The following FAM107A variants were observed in gnomAD, a reference collection of about 807,000 sequenced individuals.
FAM107A encodes the protein family with sequence similarity 107 member A, also known as actin-associated protein FAM107A.
In FAM107A, 19 loss-of-function variants were observed where a neutral mutation model predicts 13.7. The observed-to-expected ratio is 1.38, with a 90% CI of 0.97 to 2.03. The LOEUF (loss-of-function observed/expected upper bound fraction) is 2.03. FAM107A is among the 30% of genes most tolerant of loss of function. The pLI, the probability that FAM107A is intolerant of heterozygous loss-of-function variation, is 0.00. For missense variants in FAM107A, 203 were observed against 184.4 expected, an observed-to-expected ratio of 1.10 and a Z score of -0.58; for synonymous variants, 82 against 74.5, an observed-to-expected ratio of 1.10 and a Z score of -0.52.
intron 1 of FAM107A, among the ~76,000 whole-genome samples, chr3:58,614,619 C>T (rs2065884812): frequency 6.6e-6 from 1 of 151,956 alleles, no homozygotes; most frequent in South Asian, 2.1e-4. Flanking sequence ...ATTCTCTTGC[C>T]TCAGCCTCCC....
chr3:58,605,261 C>G (rs1037172789), intron 1 of FAM107A, among the ~76,000 whole-genome samples: 11 of 152,198 alleles, frequency 7.2e-5, no homozygotes, highest in Admixed American at 5.2e-4. Flanking sequence ...ACTCTTAACC[C>G]TATAACAGCT....
At chr3:58,586,233 G>A (rs2108061597) in intron 1 of FAM107A, among the ~76,000 whole-genome samples, 1 of 143,536 alleles carries the variant, frequency 7.0e-6, no homozygotes, top group Admixed American at 6.8e-5. Context: ...GCCTACAGCC[G>A]CCTTCAGGCA....
At position 58,577,345 on chromosome 3, in the gene FAM107A, C is replaced by A; in HGVS notation, c.-42G>T. 1 of 985,380 alleles carries A rather than the reference C, an allele frequency of 1.0e-6. No homozygotes were observed. The highest frequency in any genetic ancestry group is 1.2e-6 in the Non-Finnish European group (1 of 829,924). The allele number at this position is 985,380 out of a possible 1,614,324, so 61.0% of individuals were successfully genotyped here. ...AGTCCTTGGGAAGGGAAGTCAGGAGCGTGTTGCTGGGTTCCTCACTCCACC... is the reference window on the plus strand; with the variant it reads ...AGTCCTTGGGAAGGGAAGTCAGGAGAGTGTTGCTGGGTTCCTCACTCCACC... On this transcript the variant is annotated 5_prime_UTR_variant, in exon 1 of 4. Coordinates refer to ENST00000360997, the MANE Select transcript of FAM107A (RefSeq NM_001076778.3). This position sits in a 1 kb window ranked among gnomAD's most constrained non-coding sequence, Gnocchi z 4.9.
intron 1 of FAM107A, among the ~76,000 whole-genome samples, chr3:58,620,531 C>T (rs78827010): frequency 0.075 from 11,457 of 152,308 alleles, 486 homozygotes; most frequent in African/African-American, 0.1. Flanking sequence ...TCCTTTGATT[C>T]CTTCTCCCTC....
intron 2 of FAM107A, among the ~76,000 whole-genome samples, chr3:58,568,433 T>G (rs1296854051): frequency 6.7e-6 from 1 of 150,344 alleles, no homozygotes; most frequent in Non-Finnish European, 1.5e-5. Flanking sequence ...AGACTTCATC[T>G]CAAACAAAAA....
rs533334321 is a variant in FAM107A at position 58,565,217 on chromosome 3, A to G, written c.*1371T>C. ...AGGTTAAAATATGTGGGTCTCACAC[A>G]GGAAAGGCCTTCTGAAGAAGAAAAA... On this transcript the variant is annotated 3_prime_UTR_variant, in exon 4 of 4. Transcript: ENST00000360997. The G allele has an allele frequency of 1.3e-5, 2 of 152,284 alleles. No homozygotes were observed. Among genetic ancestry groups the G allele is most frequent in the African/African-American group, 4.8e-5 (2 of 41,542 alleles). 9.4% of individuals were successfully genotyped at this position (152,284 alleles called of 1,614,324 possible). A position where few individuals can be genotyped will look rare whatever the true frequency, so the allele number is the denominator to read the frequency against.
At chr3:58,622,020 G>T (rs2065960700) in intron 1 of FAM107A, among the ~76,000 whole-genome samples, 1 of 152,220 alleles carries the variant, frequency 6.6e-6, no homozygotes, top group Non-Finnish European at 1.5e-5. Flanking sequence ...CTTGGGAATT[G>T]CACTGAGGCC....
chr3:58,567,458 A>G, intron 2 of FAM107A, 94 bp from the exon 3 acceptor site: 1 of 1,365,720 alleles, frequency 7.3e-7, no homozygotes, highest in Non-Finnish European at 9.9e-7. Context: ...AACCCCCATT[A>G]TTATCTTGTG....
At chr3:58,601,600 A>T (rs9810192) in intron 1 of FAM107A, among the ~76,000 whole-genome samples, 18,434 of 152,188 alleles carry the variant, frequency 0.12, 2,021 homozygotes, top group African/African-American at 0.29. Flanking sequence ...GTTTCAATGA[A>T]TATCCCACAT....
upstream of FAM107A, among the ~76,000 whole-genome samples, chr3:58,587,474 AGTGTGTGTGTGTGTGTGT>A (rs376881213): frequency 0.024 from 3,501 of 145,546 alleles, 137 homozygotes; most frequent in African/African-American, 0.08. Flanking sequence ...ATCAGCTTAG[AGTGTGTGTGTGTGTGTGT>A]GTGTGTGTGT....
intron 1 of FAM107A, among the ~76,000 whole-genome samples, chr3:58,599,067 G>A (rs910189161): frequency 3.3e-5 from 5 of 151,722 alleles, no homozygotes; most frequent in African/African-American, 1.2e-4. Flanking sequence ...TCAGCCTCCC[G>A]AGTAGCTGGG....
chr3:58,609,304 A>G (rs1479146525), intron 1 of FAM107A: 1 of 152,178 alleles, frequency 6.6e-6, no homozygotes, highest in African/African-American at 2.4e-5. Flanking sequence ...TTTGTTTTCT[A>G]CTGACTATAA....
rs1205606673 is a variant in FAM107A, at chr3:58,613,702, C to T, written c.-70+13714G>A. ...ATATTCCCCTCCCTAGGATTGGGTA[C>T]CCTAGGGCCATATCTCCCAGGGAGA... is the stretch of plus-strand genomic sequence containing the variant. On this transcript the variant is annotated intron_variant, in intron 1 of 3. Transcript: ENST00000465970. This position sits in a 1 kb window ranked among gnomAD's most constrained non-coding sequence, Gnocchi z 4.6. 1.3e-5 allele frequency among the ~76,000 whole-genome samples: 2 copies of T among 152,160 alleles called. No individual in the cohort carries two copies. The highest frequency in any genetic ancestry group is 3.9e-4 in the East Asian group (2 of 5,194).
In FAM107A at chr3:58,612,117, C is replaced by T. The variant is rs183174860; in HGVS notation, c.-70+15299G>A. ...TTTTGCATCCAACTTCATAGAAACC[C>T]ACCCATGATCCTAAAAGTAAAATCT... is the stretch of plus-strand genomic sequence containing the variant. On this transcript the variant is annotated intron_variant, in intron 1 of 3. Coordinates refer to the FAM107A transcript ENST00000465970. Among the ~76,000 whole-genome samples, 575 of 152,238 alleles carry T rather than the reference C, an allele frequency of 3.8e-3. 4 individuals carry two copies. The highest frequency in any genetic ancestry group is 0.013 in the African/African-American group (550 of 41,538).
intron 1 of FAM107A, among the ~76,000 whole-genome samples, chr3:58,600,907 C>G (rs533468666): frequency 2.0e-5 from 3 of 152,156 alleles, no homozygotes; most frequent in Non-Finnish European, 2.9e-5. Context: ...GGTCTCCCTT[C>G]GGGCACCAGA....
intron 1 of FAM107A, among the ~76,000 whole-genome samples, chr3:58,606,345 C>T (rs2065794786): frequency 1.3e-5 from 2 of 152,248 alleles, no homozygotes; most frequent in African/African-American, 4.8e-5. Flanking sequence ...ATCCACCTGC[C>T]TTGGCCTTCC....
At chr3:58,575,935 C>G (rs549835192) in intron 1 of FAM107A, among the ~76,000 whole-genome samples, 1 of 152,360 alleles carries the variant, frequency 6.6e-6, no homozygotes, top group South Asian at 2.1e-4. Flanking sequence ...CGAACACATT[C>G]AGAACCCTCT....
chr3:58,587,261 A>T, upstream of FAM107A: 1 of 438,484 alleles, frequency 2.3e-6, no homozygotes, highest in Non-Finnish European at 3.5e-6. Flanking sequence ...TCTCCCACCT[A>T]CTCTTCTGCT....
intron 1 of FAM107A, among the ~76,000 whole-genome samples, chr3:58,596,354 C>T (rs1229898987): frequency 6.6e-6 from 1 of 152,128 alleles, no homozygotes; most frequent in Admixed American, 6.5e-5. Context: ...ATTTAAGGGA[C>T]CTTGCTTTAT....
Sources: allele counts gnomAD v4.1 joint callset (sites outside exome capture counted in the v4.1 genomes callset), GRCh38; gene constraint gnomAD v4.1.1; non-coding constraint Gnocchi (gnomAD v3.1); transcripts MANE v1.5; gene names NCBI Gene and HGNC (gene_info 2026-07-23, HGNC 2026-07-21).